The following SLC2A9 variants were observed in gnomAD, a reference collection of about 807,000 sequenced individuals.
SLC2A9 encodes solute carrier family 2 member 9.
In SLC2A9, 39 loss-of-function variants were observed where a neutral mutation model predicts 50.6. That is an observed-to-expected ratio of 0.77 (90% confidence interval 0.60 to 1.01). The LOEUF is 1.01. Ranked by LOEUF, SLC2A9 falls within the 50% of genes least tolerant of loss-of-function variation. The pLI is 0.00. For synonymous variants in SLC2A9, 324 were observed against 276.9 expected (o/e 1.17, Z -1.69); for missense variants, 686 against 677.6 (o/e 1.01, Z -0.14).
intron 10 of SLC2A9, among the ~76,000 whole-genome samples, chr4:9,846,096 C>T (rs1728947577): frequency 6.6e-6 from 1 of 152,198 alleles, no homozygotes; most frequent in Non-Finnish European, 1.5e-5. Context: ...TAGAGAGTGA[C>T]TTGCTCAAGG....
rs369184176 is a variant in SLC2A9, at chr4:9,828,487, A to G, written c.1420-1887T>C. 7.9e-5 allele frequency among the ~76,000 whole-genome samples: 12 copies of G among 152,270 alleles called. No individual in the cohort carries two copies. The East Asian group carries it at 1.2e-3, about 15-fold the overall frequency. Reference sequence around the variant, plus strand: ...CACCTGCAGGAAAGCCAAAGTCCTCACCATGGCCTCCAAGGCCACCGACCA... The same window carrying G: ...CACCTGCAGGAAAGCCAAAGTCCTCGCCATGGCCTCCAAGGCCACCGACCA... On this transcript the variant is annotated intron_variant, in intron 11 of 11. Coordinates refer to ENST00000264784, the MANE Select transcript of SLC2A9 (RefSeq NM_020041.3).
chr4:9,860,176 CT>C (rs1031270704), intron 10 of SLC2A9, among the ~76,000 whole-genome samples: 1 of 152,214 alleles, frequency 6.6e-6, no homozygotes, highest in African/African-American at 2.4e-5. Flanking sequence ...CTTCCTCCTC[CT>C]TCTCCTCCCT....
At chr4:9,990,616 C>T (rs145216813) in intron 3 of SLC2A9, among the ~76,000 whole-genome samples, 218 of 152,172 alleles carry the variant, frequency 1.4e-3, no homozygotes, top group African/African-American at 5.1e-3. Flanking sequence ...CCGGCTCATG[C>T]GTCTGTAATA....
chr4:9,930,286 T>A (rs1446461570), intron 6 of SLC2A9, among the ~76,000 whole-genome samples: 1 of 152,252 alleles, frequency 6.6e-6, no homozygotes, highest in Non-Finnish European at 1.5e-5. Context: ...GTTGCAAGTT[T>A]AGCAAATGCC....
intron 10 of SLC2A9, among the ~76,000 whole-genome samples, chr4:9,876,201 C>T (rs190828563): frequency 1.3e-5 from 2 of 152,270 alleles, no homozygotes; most frequent in Admixed American, 6.5e-5. Flanking sequence ...TAGTTTACCC[C>T]TGAGGTGGTT....
chr4:9,782,513 G>C (rs771346209), intron 3 of SLC2A9: 3 of 1,613,970 alleles, frequency 1.9e-6, no homozygotes, highest in South Asian at 2.2e-5. Flanking sequence ...GGTCATGGTC[G>C]GCCTGGCATG....
chr4:9,954,933 G>A (rs1750948852), intron 5 of SLC2A9, among the ~76,000 whole-genome samples: 2 of 152,146 alleles, frequency 1.3e-5, no homozygotes, highest in African/African-American at 2.4e-5. Context: ...TAAGCTTCCC[G>A]ACAAGATCTC....
chr4:10,003,254 T>C (rs932402901), intron 2 of SLC2A9, among the ~76,000 whole-genome samples: 1 of 152,210 alleles, frequency 6.6e-6, no homozygotes, highest in Non-Finnish European at 1.5e-5. Flanking sequence ...GTCAGGCTAA[T>C]ACCCACCCTG....
chr4:9,907,671 T>C (rs2280202), intron 8 of SLC2A9, among the ~76,000 whole-genome samples: 60,914 of 152,078 alleles, frequency 0.4, 14,229 homozygotes, highest in Non-Finnish European at 0.52. Flanking sequence ...CTGGGGACAA[T>C]ATGGCCCTGT....
intron 3 of SLC2A9, among the ~76,000 whole-genome samples, chr4:9,817,470 G>A (rs6449009): frequency 0.18 from 27,861 of 152,114 alleles, 3,775 homozygotes; most frequent in African/African-American, 0.38. Context: ...TTCTAGATGA[G>A]CACCACTGAT....
chr4:9,956,518 C>T (rs1397757872), intron 5 of SLC2A9, among the ~76,000 whole-genome samples: 1 of 151,962 alleles, frequency 6.6e-6, no homozygotes. Flanking sequence ...AAAGTATCTT[C>T]GGCCATTCTG....
chr4:9,787,509 A>T (rs1327196947), intron 3 of SLC2A9, among the ~76,000 whole-genome samples: 1 of 152,208 alleles, frequency 6.6e-6, no homozygotes, highest in Non-Finnish European at 1.5e-5. Context: ...GAGTCATCTA[A>T]GATGTGATGC....
chr4:9,787,950 T>C (rs1316831591), intron 3 of SLC2A9, among the ~76,000 whole-genome samples: 1 of 152,234 alleles, frequency 6.6e-6, no homozygotes, highest in African/African-American at 2.4e-5. Flanking sequence ...TTAATATGTA[T>C]TTCCTTTGGA....
At chr4:9,832,835 A>T (rs140629899) in intron 11 of SLC2A9, among the ~76,000 whole-genome samples, 123 of 152,258 alleles carry the variant, frequency 8.1e-4, no homozygotes, top group African/African-American at 2.7e-3. Flanking sequence ...GCACACAGCA[A>T]GCATTCAGTG....
intron 6 of SLC2A9, among the ~76,000 whole-genome samples, chr4:9,928,114 A>G (rs11937310): frequency 0.19 from 28,637 of 151,962 alleles, 2,902 homozygotes; most frequent in Non-Finnish European, 0.21. Context: ...TCATCTCAAG[A>G]AAAAAAACAA....
chr4:10,025,229 T>TC (rs1227601421), upstream of SLC2A9, among the ~76,000 whole-genome samples: 1 of 152,186 alleles, frequency 6.6e-6, no homozygotes, highest in Admixed American at 6.5e-5. Context: ...GCACAGATAA[T>TC]CCAAGGTTTA....
chr4:9,825,597 T>A (rs1009257025), downstream of SLC2A9, among the ~76,000 whole-genome samples: 1 of 152,116 alleles, frequency 6.6e-6, no homozygotes, highest in Admixed American at 6.5e-5. Context: ...TATTTTTCAT[T>A]TGGATGGAGG....
chr4:9,828,995 C>T (rs1725588108), intron 11 of SLC2A9, among the ~76,000 whole-genome samples: 2 of 152,160 alleles, frequency 1.3e-5, no homozygotes, highest in African/African-American at 4.8e-5. Flanking sequence ...ACAAACAGGG[C>T]TTCCTAGGAC....
At chr4:9,853,520 C>G (rs1730285393) in intron 10 of SLC2A9, among the ~76,000 whole-genome samples, 1 of 152,238 alleles carries the variant, frequency 6.6e-6, no homozygotes, top group African/African-American at 2.4e-5. Flanking sequence ...TAGAGACCTA[C>G]AAGGAGACAT....
Sources: gnomAD v4.1 joint callset for allele counts (sites outside exome capture counted in the v4.1 genomes callset) on GRCh38, gnomAD v4.1.1 for gene constraint, MANE v1.5 for transcripts, NCBI Gene and HGNC (gene_info 2026-07-23, HGNC 2026-07-21) for gene names.